PBLD: variants seen among roughly 807,000 people sequenced by gnomAD.
PBLD encodes phenazine biosynthesis like protein domain containing.
A neutral mutation model predicts 31.3 loss-of-function variants in PBLD; 26 were observed. That is an observed-to-expected ratio of 0.83 (90% confidence interval 0.61 to 1.15). PBLD has a LOEUF of 1.15. Ranked by LOEUF, PBLD falls within the 50% of genes most tolerant of loss-of-function variation. The pLI is 0.00. For synonymous variants in PBLD, 114 were observed against 129.0 expected (o/e 0.88, Z 0.79); for missense variants, 307 against 351.7 (o/e 0.87, Z 1.02).
chr10:68,304,412 C>A (rs750145822), intron 2 of PBLD, among the ~76,000 whole-genome samples: 1 of 152,184 alleles, frequency 6.6e-6, no homozygotes, highest in Admixed American at 6.5e-5. Context: ...GAGAGCATCC[C>A]CAAATCATGG....
At chr10:68,332,295 GC>G (rs987817578) in intron 1 of PBLD, 10 of 152,176 alleles carry the variant, frequency 6.6e-5, no homozygotes, top group Non-Finnish European at 1.3e-4. Flanking sequence ...GCCGGGAGGG[GC>G]TGGGTTGGGG....
At chr10:68,329,667 A>G (rs1004524320) in intron 1 of PBLD, among the ~76,000 whole-genome samples, 2 of 152,126 alleles carry the variant, frequency 1.3e-5, no homozygotes, top group Non-Finnish European at 2.9e-5. Flanking sequence ...TCACAGTGTC[A>G]GTGATAATGG....
chr10:68,293,294 T>G (rs563803207), intron 4 of PBLD, among the ~76,000 whole-genome samples: 31 of 152,342 alleles, frequency 2.0e-4, no homozygotes, highest in African/African-American at 5.1e-4. Context: ...TGAAATAAAT[T>G]TGGTTTATCC....
At chr10:68,324,209 G>A (rs940957764) in intron 1 of PBLD, among the ~76,000 whole-genome samples, 66 of 151,090 alleles carry the variant, frequency 4.4e-4, no homozygotes, top group African/African-American at 1.5e-3. Flanking sequence ...ACCATGCCTC[G>A]CTCTGTTGCC....
chr10:68,298,199 A>G (rs541230689), intron 2 of PBLD, among the ~76,000 whole-genome samples: 1 of 152,326 alleles, frequency 6.6e-6, no homozygotes, highest in South Asian at 2.1e-4. Context: ...GGCTGCAGTG[A>G]GCCATGATTG....
chr10:68,328,842 TA>T (rs1042860878), intron 1 of PBLD, among the ~76,000 whole-genome samples: 20 of 151,860 alleles, frequency 1.3e-4, no homozygotes, highest in Non-Finnish European at 1.5e-5. Context: ...GGAAGCCAAA[TA>T]AAATGTACAT....
chr10:68,291,421 C>G (rs577191574), intron 6 of PBLD, among the ~76,000 whole-genome samples: 153 of 152,268 alleles, frequency 1.0e-3, no homozygotes, highest in Admixed American at 3.4e-3. Flanking sequence ...GGTACTCATG[C>G]TTTCTTGGTT....
At chr10:68,332,714 T>C (rs952028654) in intron 1 of PBLD, 70 bp downstream of exon 1, 1 of 152,340 alleles carries the variant, frequency 6.6e-6, no homozygotes, top group African/African-American at 2.4e-5. Context: ...GCGCTCCCGA[T>C]GGAAATGGCG....
intron 8 of PBLD, among the ~76,000 whole-genome samples, chr10:68,286,085 C>CCTTTT (rs2044283898): frequency 9.7e-6 from 1 of 103,422 alleles, no homozygotes; most frequent in Non-Finnish European, 1.8e-5. Context: ...TTGAATAATT[C>CCTTTT]TTTTTTTTTT....
chr10:68,306,484 C>T (rs1421075219), intron 2 of PBLD, among the ~76,000 whole-genome samples: 1 of 152,156 alleles, frequency 6.6e-6, no homozygotes, highest in African/African-American at 2.4e-5. Context: ...AAATGAAAAC[C>T]TGATGGCTAA....
intron 3 of PBLD, 90 bp from the exon 4 acceptor site, chr10:68,296,454 C>G (rs2044429030): frequency 7.2e-6 from 7 of 966,848 alleles, no homozygotes; most frequent in Non-Finnish European, 1.1e-5. Flanking sequence ...ATATAGTTCT[C>G]TAGCATGATG....
chr10:68,287,522 C>A (rs1333626250), intron 8 of PBLD: 1 of 152,320 alleles, frequency 6.6e-6, no homozygotes. Flanking sequence ...CCAGGCCCTG[C>A]CATCTGACCA....
intron 6 of PBLD, among the ~76,000 whole-genome samples, chr10:68,290,359 C>T (rs1254511601): frequency 1.3e-5 from 2 of 152,162 alleles, no homozygotes; most frequent in African/African-American, 4.8e-5. Flanking sequence ...AGCCGGATCC[C>T]ATCTGTTCTC....
At chr10:68,329,919 T>C (rs1428388638) in intron 1 of PBLD, among the ~76,000 whole-genome samples, 1 of 152,170 alleles carries the variant, frequency 6.6e-6, no homozygotes, top group Non-Finnish European at 1.5e-5. Flanking sequence ...CACTCAACTG[T>C]GTGACCTTGG....
rs1209392734 is a variant in PBLD at position 68,288,544 on chromosome 10, T to C, written c.630A>G (p.Ala210=). ...CAAAATATCTTGAGTAAAAGTCAAA[T>C]GCTTGGGTCTGCCCACCAGGCTCTC... The part of the protein sequence containing the change: ...LKGEPGGQTQ[A]FDFYSRYFAP... The change falls in exon 8 of 10, where the codon GCA becomes GCG. Residue 210 remains alanine (A), a synonymous_variant. Transcript: ENST00000358769. 6.2e-7 allele frequency: 1 copy of C among 1,614,096 alleles called. No homozygotes were observed. The highest frequency in any genetic ancestry group is 2.2e-5 in the East Asian group (1 of 44,900).
chr10:68,316,839 C>G (rs891681993), intron 1 of PBLD, among the ~76,000 whole-genome samples: 1 of 152,092 alleles, frequency 6.6e-6, no homozygotes, highest in Non-Finnish European at 1.5e-5. Context: ...ACAGTGAAAC[C>G]CTGTCTCTAC....
rs1048696330 is a variant in PBLD at position 68,285,224 on chromosome 10, C to T, written c.754+124G>A. Reference sequence around the variant, plus strand: ...TTTAAGGGTGAAGGAATTTTAAAACCTTTCATTTTCACATGGGTGATACAT... The same window carrying T: ...TTTAAGGGTGAAGGAATTTTAAAACTTTTCATTTTCACATGGGTGATACAT... On this transcript the variant is annotated intron_variant, in intron 9 of 9. Coordinates refer to ENST00000358769, the MANE Select transcript of PBLD (RefSeq NM_022129.4). 9 of 1,556,396 alleles carry T rather than the reference C, an allele frequency of 5.8e-6. No individual in the cohort carries two copies. In the African/African-American group the frequency reaches 1.1e-4, roughly 19 times the overall value.
chr10:68,320,820 C>CT (rs2134532376), intron 1 of PBLD, among the ~76,000 whole-genome samples: 1 of 141,398 alleles, frequency 7.1e-6, no homozygotes, highest in African/African-American at 2.7e-5. Flanking sequence ...TGCTCAACCC[C>CT]CTTTTTTTTT....
intron 1 of PBLD, among the ~76,000 whole-genome samples, chr10:68,322,819 C>T (rs1256784200): frequency 1.3e-5 from 2 of 152,018 alleles, no homozygotes; most frequent in East Asian, 3.9e-4. Context: ...GCGGTACAAT[C>T]ATAGCTCACT....
Sources: allele counts gnomAD v4.1 joint callset (sites outside exome capture counted in the v4.1 genomes callset), GRCh38; gene constraint gnomAD v4.1.1; transcripts MANE v1.5; gene names NCBI Gene and HGNC (gene_info 2026-07-23, HGNC 2026-07-21).